Variants in CHD1 observed in about 807,000 individuals in gnomAD.
The protein encoded by CHD1 is chromodomain helicase DNA binding protein 1, also known as ATP-dependent chromatin remodeler CHD1.
In CHD1, 36 loss-of-function variants were observed where a neutral mutation model predicts 224.2. The observed-to-expected ratio is 0.16, with a 90% CI of 0.12 to 0.21. The LOEUF (loss-of-function observed/expected upper bound fraction) is 0.21, where lower values mean the gene tolerates loss of function less well. Ranked by LOEUF, CHD1 falls within the 10% of genes least tolerant of loss-of-function variation. CHD1 has a pLI of 1.00. For synonymous variants in CHD1, 668 were observed against 658.3 expected (o/e 1.01, Z -0.23); for missense variants, 1,378 against 1,994.8 (o/e 0.69, Z 5.89).
At chr5:98,914,762 G>A (rs1041239665) in intron 2 of CHD1, among the ~76,000 whole-genome samples, 6 of 152,132 alleles carry the variant, frequency 3.9e-5, no homozygotes, top group African/African-American at 1.4e-4. Flanking sequence ...TCAAAACTAT[G>A]TCCTTTAGGT....
At chr5:98,859,049 G>C in intron 33 of CHD1, 34 bp from the exon 34 acceptor site, 1 of 1,521,624 alleles carries the variant, frequency 6.6e-7, no homozygotes, top group Non-Finnish European at 8.9e-7. Context: ...AGAATCTTTA[G>C]GTGACTTCAC....
At chr5:98,900,712 A>G (rs1751646978) in intron 7 of CHD1, 99 bp downstream of exon 7, 8 of 1,063,046 alleles carry the variant, frequency 7.5e-6, no homozygotes, top group Admixed American at 2.6e-5. Context: ...TCGGCCCCCC[A>G]AAGTACTGGG....
At chr5:98,858,690 A>G in intron 34 of CHD1, 2 of 418,766 alleles carry the variant, frequency 4.8e-6, no homozygotes, top group Non-Finnish European at 8.4e-6. Context: ...TACATAAAAA[A>G]GAATATTTGT....
chr5:98,884,478 A>C (rs2112422012), intron 18 of CHD1, among the ~76,000 whole-genome samples: 1 of 151,948 alleles, frequency 6.6e-6, no homozygotes, highest in East Asian at 1.9e-4. Context: ...AAGTAATAAG[A>C]ATGATACAAA....
intron 12 of CHD1, among the ~76,000 whole-genome samples, 177 bp downstream of exon 12, chr5:98,896,049 T>TAA (rs1751325860): frequency 6.6e-6 from 1 of 151,902 alleles, no homozygotes; most frequent in African/African-American, 2.4e-5. Context: ...CTAAAAAATA[T>TAA]AAAAAATTAG....
chr5:98,924,948 A>C (rs531082601), intron 2 of CHD1, among the ~76,000 whole-genome samples: 5 of 151,966 alleles, frequency 3.3e-5, no homozygotes, highest in Non-Finnish European at 7.4e-5. Context: ...ACTGCACTCC[A>C]GCCTGGGCGA....
chr5:98,900,622 G>T (rs1003577258), intron 7 of CHD1, among the ~76,000 whole-genome samples, 189 bp downstream of exon 7: 9 of 151,928 alleles, frequency 5.9e-5, no homozygotes, highest in Middle Eastern at 3.4e-3. Flanking sequence ...TCTATTTTTA[G>T]TAGAGATGGG....
chr5:98,856,352 G>C lies in CHD1; in HGVS notation c.*28C>G. On this transcript the variant is annotated 3_prime_UTR_variant, in exon 36 of 36. Transcript: ENST00000614616. ...TTTATGATATATGGCTAAAAGAAAA[G>C]TCCAGAAAGACGAAGTATCAGTTTT... is the stretch of plus-strand genomic sequence containing the variant. 6.4e-7 allele frequency: 1 copy of C among 1,555,400 alleles called. No homozygotes were observed. Among genetic ancestry groups the C allele is most frequent in the Non-Finnish European group, 8.8e-7 (1 of 1,130,640 alleles).
intron 30 of CHD1, chr5:98,869,256 G>C: frequency 3.0e-6 from 3 of 985,278 alleles, no homozygotes; most frequent in Non-Finnish European, 3.6e-6. Context: ...TTATTTGGAT[G>C]TTTCACAGAA....
chr5:98,903,401 C>G (rs1449232984), intron 4 of CHD1, among the ~76,000 whole-genome samples: 1 of 151,300 alleles, frequency 6.6e-6, no homozygotes, highest in Admixed American at 6.6e-5. Flanking sequence ...TGGCCATCTA[C>G]TCTTTCAAAA....
chr5:98,898,976 G>C (rs1490116655), intron 8 of CHD1, among the ~76,000 whole-genome samples: 2 of 152,142 alleles, frequency 1.3e-5, no homozygotes, highest in Non-Finnish European at 2.9e-5. Context: ...CACTCTATGT[G>C]ACTGTTACCA....
At chr5:98,899,339 TG>T in intron 8 of CHD1, 140 bp downstream of exon 8, 1 of 606,026 alleles carries the variant, frequency 1.7e-6, no homozygotes, top group Non-Finnish European at 2.8e-6. Flanking sequence ...AGAGAAGCTG[TG>T]GACAAAGACA....
intron 30 of CHD1, chr5:98,869,349 T>G: frequency 4.2e-6 from 3 of 715,746 alleles, no homozygotes; most frequent in Non-Finnish European, 5.2e-6. Context: ...TTCATATGAC[T>G]ACAGATTGCA....
rs1554043232 is a variant in CHD1, at chr5:98,928,827, TCG to T, written c.-439_-438del. On this transcript the variant is annotated 5_prime_UTR_variant, in exon 1 of 36. Transcript: ENST00000614616. ...GTCGTCGCCGCCGCCGCCGCCGCCG[TCG>T]CGCGCGCGCTCCCGCTCCCTCCGCT... 2.1e-4 allele frequency: 33 copies of T among 157,870 alleles called. No individual in the cohort carries two copies. The highest frequency in any genetic ancestry group is 5.6e-4 in the East Asian group (3 of 5,334). 9.8% of individuals were successfully genotyped at this position (157,870 alleles called of 1,614,324 possible).
Position 98,872,643 on chromosome 5 carries a change from T to C in CHD1, c.3572-88A>G, listed in dbSNP as rs913574949. 39 of 1,075,798 alleles carry C rather than the reference T, an allele frequency of 3.6e-5. 1 individual carries two copies. The highest frequency in any genetic ancestry group is 6.4e-5 in the African/African-American group (4 of 62,202). The allele number at this position is 1,075,798 out of a possible 1,614,324, so 66.6% of individuals were successfully genotyped here. ...AAGCAACTGATGCTATTACTTATGT[T>C]ATTTAACAATAAGTATTCCTTATTT... is the stretch of plus-strand genomic sequence containing the variant. On this transcript the variant is annotated intron_variant, in intron 26 of 35. Transcript: ENST00000614616.
intron 31 of CHD1, among the ~76,000 whole-genome samples, chr5:98,864,176 A>G (rs532307039): frequency 9.2e-5 from 14 of 152,306 alleles, no homozygotes; most frequent in African/African-American, 3.1e-4. Context: ...TAAGAATTGC[A>G]TGTTTTATTG....
Position 98,872,500 on chromosome 5 carries a change from C to A in CHD1, c.3627G>T (p.Val1209=). The A allele has an allele frequency of 8.1e-6, 13 of 1,613,650 alleles. No individual in the cohort carries two copies. Among genetic ancestry groups the A allele is most frequent in the Non-Finnish European group, 1.1e-5 (13 of 1,179,718 alleles). The change falls in exon 27 of 36, where the codon GTG becomes GTT. Residue 1209 remains valine (V), a synonymous_variant. Coordinates refer to ENST00000614616, the MANE Select transcript of CHD1 (RefSeq NM_001270.4). ...GPTFRISGVQ[V]NAKLVISHEE... ...CATGGGAGATGACTAGTTTGGCATT[C>A]ACCTGTACTCCTGATATTCGGAATG...
intron 34 of CHD1, chr5:98,858,631 CTA>C: frequency 2.2e-6 from 1 of 462,924 alleles, no homozygotes; most frequent in Admixed American, 3.7e-5. Flanking sequence ...CTTTCTCAGA[CTA>C]TACTTTTGTG....
At chr5:98,902,724 G>C (rs999007643) in intron 5 of CHD1, among the ~76,000 whole-genome samples, 176 bp downstream of exon 5, 4 of 151,992 alleles carry the variant, frequency 2.6e-5, no homozygotes, top group Non-Finnish European at 4.4e-5. Flanking sequence ...GTCACAGAAA[G>C]ATAAATGTTA....
Sources: gnomAD v4.1 joint callset for allele counts (sites outside exome capture counted in the v4.1 genomes callset) on GRCh38, gnomAD v4.1.1 for gene constraint, MANE v1.5 for transcripts, NCBI Gene and HGNC (gene_info 2026-07-23, HGNC 2026-07-21) for gene names.